The following GOLGA3 variants were observed in gnomAD, a reference collection of about 807,000 sequenced individuals.
GOLGA3 encodes golgin A3.
GOLGA3 carries 75 observed loss-of-function variants against 169.4 expected under a neutral mutation model. That is an observed-to-expected ratio of 0.44 (90% CI 0.37 to 0.54). The LOEUF (loss-of-function observed/expected upper bound fraction) is 0.54, where lower values mean the gene tolerates loss of function less well. Ranked by LOEUF, GOLGA3 falls within the 20% of genes least tolerant of loss-of-function variation. The pLI is 0.00. For synonymous variants in GOLGA3, 824 were observed against 822.4 expected (o/e 1.00, Z -0.03); for missense variants, 1,899 against 1,930.0 (o/e 0.98, Z 0.30).
At chr12:132,799,702 G>A (rs578021218) in intron 8 of GOLGA3, among the ~76,000 whole-genome samples, 3 of 151,140 alleles carry the variant, frequency 2.0e-5, no homozygotes, top group Non-Finnish European at 4.4e-5. Flanking sequence ...CTCTCTTTTT[G>A]TTGTCCAGGC....
rs776826017 is a variant in GOLGA3 at position 132,789,083 on chromosome 12, C to T, written c.2755G>A (p.Glu919Lys). Residue 919 changes from glutamate to lysine, a missense_variant, in exon 13 of 24, where the codon GAA (glutamate) becomes AAA (lysine). Transcript: ENST00000450791. Reference protein sequence around the residue: ...AQVRQHMADLEGHLQSAQKER... With the variant: ...AQVRQHMADLKGHLQSAQKER... ...TTCTGCGCCGACTGGAGATGCCCTT[C>T]AAGGTCCGCCATGTGCTGACGGACC... 3.8e-5 allele frequency: 62 copies of T among 1,610,836 alleles called. No homozygotes were observed. The highest frequency in any genetic ancestry group is 5.0e-5 in the Non-Finnish European group (59 of 1,178,488).
chr12:132,778,357 G>T (rs559819482), intron 18 of GOLGA3, among the ~76,000 whole-genome samples: 1 of 152,094 alleles, frequency 6.6e-6, no homozygotes, highest in Non-Finnish European at 1.5e-5. Flanking sequence ...GGTGGATCAC[G>T]AGGTCAGATC....
At chr12:132,775,621 TCTCA>T (rs1566066291) in intron 21 of GOLGA3, among the ~76,000 whole-genome samples, 1 of 152,224 alleles carries the variant, frequency 6.6e-6, no homozygotes, top group East Asian at 1.9e-4. Flanking sequence ...AGACACAGGG[TCTCA>T]CTCTGTCATC....
In GOLGA3 at chr12:132,824,165, C is replaced by T. The variant is rs76791425; in HGVS notation, c.-183-1854G>A. ...GTGTGTCACTGACCCCGCAGCAGGA[C>T]GTGCCTGTCTTTCTAGGGGTTTTTA... On this transcript the variant is annotated intron_variant, in intron 1 of 23. Coordinates refer to ENST00000450791, the MANE Select transcript of GOLGA3 (RefSeq NM_001389683.1). 6.7e-3 allele frequency among the ~76,000 whole-genome samples: 1,019 copies of T among 152,300 alleles called. 17 individuals carry two copies. The highest frequency in any genetic ancestry group is 0.023 in the African/African-American group (964 of 41,556).
intron 11 of GOLGA3, among the ~76,000 whole-genome samples, chr12:132,792,696 C>G (rs1948603492): frequency 1.4e-5 from 2 of 146,050 alleles, no homozygotes; most frequent in Non-Finnish European, 3.0e-5. Context: ...CACACGGGAT[C>G]TGCACTCGGA....
rs773466743 is a variant in GOLGA3 at position 132,777,103 on chromosome 12, A to G, written c.3723-13T>C. On this transcript the variant is annotated splice_polypyrimidine_tract_variant and intron_variant, in intron 19 of 23. Transcript: ENST00000450791. This position sits in a 1 kb window ranked among gnomAD's most constrained non-coding sequence, Gnocchi z 4.7. Reference sequence around the variant, plus strand: ...CCCCTCCCGAATCCTAGCGTAAAAAAACAAGAAAGAAGGGAATCGCCACGC... The same window carrying G: ...CCCCTCCCGAATCCTAGCGTAAAAAGACAAGAAAGAAGGGAATCGCCACGC... The G allele has an allele frequency of 3.8e-6, 6 of 1,568,484 alleles. No homozygotes were observed. In the African/African-American group the frequency reaches 6.8e-5, roughly 18 times the overall value.
rs377700280 is a variant in GOLGA3, at chr12:132,789,095, T to C, written c.2743A>G (p.Met915Val). The C allele has an allele frequency of 8.7e-6, 14 of 1,613,142 alleles. No individual in the cohort carries two copies. Among genetic ancestry groups the C allele is most frequent in the Admixed American group, 1.7e-5 (1 of 59,970 alleles). Residue 915 changes from methionine (M) to valine (V), a missense_variant, in exon 13 of 24, where the codon ATG (methionine) becomes GTG (valine). Coordinates refer to ENST00000450791, the MANE Select transcript of GOLGA3 (RefSeq NM_001389683.1). Reference sequence around the variant, plus strand: ...TGGAGATGCCCTTCAAGGTCCGCCATGTGCTGACGGACCTGGGCCACCTCT... The same window carrying C: ...TGGAGATGCCCTTCAAGGTCCGCCACGTGCTGACGGACCTGGGCCACCTCT... ...HREVAQVRQH[M>V]ADLEGHLQSA... is the part of the protein sequence containing the mutation.
chr12:132,787,899 CCCCAGGACCCTT>C (rs2046011032), intron 13 of GOLGA3, among the ~76,000 whole-genome samples: 1 of 142,576 alleles, frequency 7.0e-6, no homozygotes, highest in African/African-American at 2.6e-5. Context: ...CTTCCTGAGA[CCCCAGGACCCTT>C]CCCTGGACCC....
chr12:132,795,984 C>G lies in GOLGA3; in HGVS notation c.2337G>C (p.Glu779Asp). The G allele has an allele frequency of 6.2e-7, 1 of 1,613,776 alleles. No homozygotes were observed. Among genetic ancestry groups the G allele is most frequent in the Non-Finnish European group, 8.5e-7 (1 of 1,180,034 alleles). ...CLLQNEKIILEAALQAAKSGK... is the reference protein window; with the variant it reads ...CLLQNEKIILDAALQAAKSGK... ...CACTCTTGGCCGCCTGCAAAGCCGC[C>G]TCCAAGATGATCTTCTCGTTCTGCA... Residue 779 changes from glutamate (E) to aspartate (D), a missense_variant, in exon 11 of 24, where the codon GAG becomes GAC. Transcript: ENST00000450791.
chr12:132,821,918 C>A, intron 2 of GOLGA3, 78 bp downstream of exon 2: 1 of 883,302 alleles, frequency 1.1e-6, no homozygotes, highest in South Asian at 1.7e-5. Context: ...CTCAACGCCA[C>A]ATCCTCCCTC....
intron 12 of GOLGA3, 77 bp downstream of exon 12, chr12:132,791,139 A>AT (rs1161597806): frequency 6.0e-6 from 4 of 669,142 alleles, no homozygotes; most frequent in Non-Finnish European, 1.1e-5. Flanking sequence ...TGACATTGGA[A>AT]TTGCTAAGCA....
Position 132,786,471 on chromosome 12 carries a change from C to G in GOLGA3, c.2991G>C (p.Lys997Asn). 6.2e-7 allele frequency: 1 copy of G among 1,613,776 alleles called. No homozygotes were observed. Among genetic ancestry groups the G allele is most frequent in the Non-Finnish European group, 8.5e-7 (1 of 1,179,978 alleles). ...GGATGCCCACGGCGTTCTCGTAGGCCTTATGTTTGGTCTTCATCTCCTTCT... is the reference window on the plus strand; with the variant it reads ...GGATGCCCACGGCGTTCTCGTAGGCGTTATGTTTGGTCTTCATCTCCTTCT... Reference protein sequence around the residue: ...SAQKEMKTKHKAYENAVGILS... With the variant: ...SAQKEMKTKHNAYENAVGILS... Residue 997 changes from lysine (K) to asparagine (N), a missense_variant, in exon 15 of 24, where the codon AAG becomes AAC. Transcript: ENST00000450791.
chr12:132,779,850 C>CCT (rs1396894710), intron 18 of GOLGA3, among the ~76,000 whole-genome samples: 11 of 103,376 alleles, frequency 1.1e-4, no homozygotes, highest in South Asian at 4.6e-4. Flanking sequence ...GACACCCCCC[C>CCT]GCGCACATAC....
chr12:132,794,049 GT>G (rs1329088114), intron 11 of GOLGA3, among the ~76,000 whole-genome samples: 1 of 152,168 alleles, frequency 6.6e-6, no homozygotes, highest in Non-Finnish European at 1.5e-5. Context: ...CAAAGTGCTG[GT>G]TGTTCCACAC....
Position 132,789,305 on chromosome 12 carries a change from G to C in GOLGA3, c.2548-15C>G, listed in dbSNP as rs767346815. The C allele has an allele frequency of 1.3e-6, 2 of 1,560,598 alleles. No homozygotes were observed. Among genetic ancestry groups the C allele is most frequent in the Non-Finnish European group, 8.6e-7 (1 of 1,156,534 alleles). On this transcript the variant is annotated splice_polypyrimidine_tract_variant and intron_variant, in intron 12 of 23. Coordinates refer to ENST00000450791, the MANE Select transcript of GOLGA3 (RefSeq NM_001389683.1). ...TCCACCATCACCTGCCAAAGACAGAGGCTGTGAGCGGACGCTGGGCGGCGG... is the reference window on the plus strand; with the variant it reads ...TCCACCATCACCTGCCAAAGACAGACGCTGTGAGCGGACGCTGGGCGGCGG...
rs139919326 is a variant in GOLGA3, at chr12:132,808,338, C to A, written c.731G>T (p.Arg244Leu). The A allele has an allele frequency of 4.3e-6, 7 of 1,613,962 alleles. No homozygotes were observed. Among genetic ancestry groups the A allele is most frequent in the Non-Finnish European group, 5.9e-6 (7 of 1,180,024 alleles). Reference sequence around the variant, plus strand: ...TTCAGTTCTGTAATCGGCCAGAGACCGGATTTTGCTTGATTTGGAAGTTTT... The same window carrying A: ...TTCAGTTCTGTAATCGGCCAGAGACAGGATTTTGCTTGATTTGGAAGTTTT... ...EKKTSKSSKIRSLADYRTEDS... is the reference protein window; with the variant it reads ...EKKTSKSSKILSLADYRTEDS... The change falls in exon 5 of 24, where the codon CGG (arginine) becomes CTG (leucine). Residue 244 changes from arginine to leucine, a missense_variant. Physicochemically the swap from Arg to Leu is moderately radical, Grantham distance 102. Coordinates refer to ENST00000450791, the MANE Select transcript of GOLGA3 (RefSeq NM_001389683.1).
Position 132,789,106 on chromosome 12 carries a change from A to T in GOLGA3, c.2732T>A (p.Val911Asp). The stretch of plus-strand genomic sequence containing the variant: ...TTCAAGGTCCGCCATGTGCTGACGG[A>T]CCTGGGCCACCTCTCTGTGCAGGCG... The part of the protein sequence containing the change: ...LSRLHREVAQ[V>D]RQHMADLEGH... Residue 911 changes from valine to aspartate, a missense_variant, in exon 13 of 24, where the codon GTC becomes GAC. Coordinates refer to ENST00000450791, the MANE Select transcript of GOLGA3 (RefSeq NM_001389683.1). 6.2e-7 allele frequency: 1 copy of T among 1,613,236 alleles called. No individual in the cohort carries two copies. Among genetic ancestry groups the T allele is most frequent in the Non-Finnish European group, 8.5e-7 (1 of 1,179,962 alleles).
rs2044837432 is a variant in GOLGA3 at position 132,770,223 on chromosome 12, ACT to A, written c.*2880_*2881del. ...ACTCCAGCCTGGGCGACAGAGCGAG[ACT>A]CTGTCTCAAAAAAAAAAAAAAAAAA... On this transcript the variant is annotated 3_prime_UTR_variant, in exon 24 of 24. Coordinates refer to ENST00000450791, the MANE Select transcript of GOLGA3 (RefSeq NM_001389683.1). 2 of 109,912 alleles carry A rather than the reference ACT, an allele frequency of 1.8e-5. No individual in the cohort carries two copies. Among genetic ancestry groups the A allele is most frequent in the South Asian group, 7.0e-4 (2 of 2,854 alleles). The allele number at this position is 109,912 out of a possible 1,614,324, so 6.8% of individuals were successfully genotyped here. A position where few individuals can be genotyped will look rare whatever the true frequency, so the allele number is the denominator to read the frequency against.
At chr12:132,826,516 G>A (rs375747368) in intron 1 of GOLGA3, among the ~76,000 whole-genome samples, 4 of 150,462 alleles carry the variant, frequency 2.7e-5, no homozygotes, top group Non-Finnish European at 4.4e-5. Context: ...CAACCGCACC[G>A]AGCTGAGTCC....
Sources: allele counts gnomAD v4.1 joint callset (sites outside exome capture counted in the v4.1 genomes callset), GRCh38; gene constraint gnomAD v4.1.1; non-coding constraint Gnocchi (gnomAD v3.1); transcripts MANE v1.5; gene names NCBI Gene and HGNC (gene_info 2026-07-23, HGNC 2026-07-21).